AGBL3: variants seen among roughly 807,000 people sequenced by gnomAD.
AGBL3 encodes cytosolic carboxypeptidase 3.
In AGBL3, 68 loss-of-function variants were observed where a neutral mutation model predicts 94.5. The ratio of observed to expected loss-of-function variants is 0.72; its 90% CI spans 0.59 to 0.88. The LOEUF (loss-of-function observed/expected upper bound fraction) is 0.88, where lower values mean the gene tolerates loss of function less well. Among genes scored for constraint, AGBL3 ranks in the 40% least tolerant of loss-of-function variants. The pLI is 0.00. For missense variants in AGBL3, 934 were observed against 1,103.8 expected (o/e 0.85, Z 2.18); for synonymous variants, 354 against 370.7 (o/e 0.95, Z 0.52).
chr7:135,027,623 T>C (rs1473229563), intron 5 of AGBL3, among the ~76,000 whole-genome samples: 2 of 151,598 alleles, frequency 1.3e-5, no homozygotes, highest in African/African-American at 4.8e-5. Flanking sequence ...TTTCCACCAC[T>C]TTTTGAAGGG....
At chr7:135,043,680 A>G (rs999677824) in intron 8 of AGBL3, among the ~76,000 whole-genome samples, 14 of 152,164 alleles carry the variant, frequency 9.2e-5, no homozygotes, top group African/African-American at 3.1e-4. Context: ...CTCTATCAAA[A>G]TATCTCATGT....
chr7:134,996,501 T>TAA (rs11462220), intron 4 of AGBL3, among the ~76,000 whole-genome samples: 9 of 152,188 alleles, frequency 5.9e-5, no homozygotes, highest in Non-Finnish European at 4.4e-5. Context: ...TCCCCAGAGG[T>TAA]AAAAATAGAG....
chr7:135,126,376 A>G (rs1177682452), intron 16 of AGBL3, among the ~76,000 whole-genome samples: 2 of 151,998 alleles, frequency 1.3e-5, no homozygotes, highest in African/African-American at 4.8e-5. Flanking sequence ...CAGACCACCA[A>G]GGAAACAAGA....
chr7:135,048,650 C>A (rs192482234), intron 11 of AGBL3, among the ~76,000 whole-genome samples: 50 of 151,430 alleles, frequency 3.3e-4, no homozygotes, highest in Admixed American at 2.7e-3. Flanking sequence ...GGGATATCAC[C>A]TTTTCAGGTA....
chr7:135,082,372 T>C (rs925833362), intron 15 of AGBL3, among the ~76,000 whole-genome samples: 7 of 152,150 alleles, frequency 4.6e-5, no homozygotes, highest in African/African-American at 1.7e-4. Context: ...CCCTGAAATT[T>C]TCCGTTTCTT....
chr7:135,032,018 C>T (rs1455962720), intron 5 of AGBL3, among the ~76,000 whole-genome samples: 6 of 152,186 alleles, frequency 3.9e-5, no homozygotes, highest in Non-Finnish European at 8.8e-5. Context: ...CCCCAAGCAA[C>T]AATCTTTCCT....
At chr7:135,076,521 A>G (rs1455594157) in intron 13 of AGBL3, 53 bp downstream of exon 13, 1 of 1,335,980 alleles carries the variant, frequency 7.5e-7, no homozygotes, top group African/African-American at 1.5e-5. Context: ...ATGAAAGAGA[A>G]TGGCAAGTTA....
At chr7:135,015,650 G>A (rs1453508072) in intron 4 of AGBL3, among the ~76,000 whole-genome samples, 1 of 151,996 alleles carries the variant, frequency 6.6e-6, no homozygotes, top group Non-Finnish European at 1.5e-5. Context: ...ATAAAGAAGA[G>A]CATAAGCAGA....
chr7:135,128,274 A>C (rs1377234563), intron 16 of AGBL3, among the ~76,000 whole-genome samples: 1 of 140,938 alleles, frequency 7.1e-6, no homozygotes, highest in Non-Finnish European at 1.5e-5. Context: ...CCTGGGCAAC[A>C]GAGTGAGACT....
intron 12 of AGBL3, among the ~76,000 whole-genome samples, chr7:135,071,583 A>G (rs942536559): frequency 6.6e-6 from 1 of 152,192 alleles, no homozygotes; most frequent in African/African-American, 2.4e-5. Flanking sequence ...AATGGAACAG[A>G]ACAGAGCCCT....
At chr7:135,116,600 G>T (rs1386974490) in intron 16 of AGBL3, among the ~76,000 whole-genome samples, 2 of 152,116 alleles carry the variant, frequency 1.3e-5, no homozygotes, top group Non-Finnish European at 2.9e-5. Flanking sequence ...TGACACCCTG[G>T]GGGAGGAGAG....
rs1356571921 is a variant in AGBL3 at position 135,115,574 on chromosome 7, C to G, written c.2305C>G (p.Leu769Val). Residue 769 changes from leucine (L) to valine (V), a missense_variant, in exon 16 of 17, where the codon CTA (leucine) becomes GTA (valine). By Grantham distance (32) the Leu-to-Val change is conservative. This residue lies in a region of AGBL3 where 441 missense variants were observed against 518.2 expected (regional missense o/e 0.85). Coordinates refer to ENST00000436302, the MANE Select transcript of AGBL3 (RefSeq NM_178563.4). ...CATGCAAACCACTCAGATAAAACAG[C>G]TATTCAATCCAAGAACCAACTTCCA... The part of the protein sequence containing the change: ...KNMQTTQIKQ[L>V]FNPRTNFQIQ... The G allele has an allele frequency of 2.6e-6, 4 of 1,550,926 alleles. No homozygotes were observed. In the African/African-American group the frequency reaches 5.5e-5, roughly 21 times the overall value.
chr7:135,002,721 A>G (rs959453844), intron 4 of AGBL3, among the ~76,000 whole-genome samples: 15 of 152,170 alleles, frequency 9.9e-5, no homozygotes, highest in African/African-American at 3.4e-4. Flanking sequence ...CTGCACAATG[A>G]GAGTACCTAT....
chr7:135,122,194 C>T (rs1485562891), intron 16 of AGBL3, among the ~76,000 whole-genome samples: 3 of 152,224 alleles, frequency 2.0e-5, no homozygotes, highest in Non-Finnish European at 2.9e-5. Flanking sequence ...TGCTTTTCCT[C>T]TGCTGGAGTC....
In AGBL3 at chr7:135,071,955, T is replaced by C. The variant is rs564656865; in HGVS notation, c.1909-4442T>C. 2.6e-4 allele frequency among the ~76,000 whole-genome samples: 40 copies of C among 152,182 alleles called. No individual in the cohort carries two copies. The South Asian group carries it at 2.7e-3, about 10-fold the overall frequency. ...AGAGCTTCTGCACAGCAAAAGAAAC[T>C]ACCATCAGAGTGAACAGGCAACCTA... On this transcript the variant is annotated intron_variant, in intron 12 of 16. Transcript: ENST00000436302.
At position 135,076,421 on chromosome 7, in the gene AGBL3, G is replaced by A; in HGVS notation, c.1933G>A (p.Glu645Lys). The A allele has an allele frequency of 6.5e-7, 1 of 1,548,444 alleles. No homozygotes were observed. Residue 645 changes from glutamate (E) to lysine (K), a missense_variant, in exon 13 of 17, where the codon GAA becomes AAA. Glu to Lys is a moderately conservative substitution (Grantham distance 56). This residue lies in a region of AGBL3 where 441 missense variants were observed against 518.2 expected (regional missense o/e 0.85). Coordinates refer to ENST00000436302, the MANE Select transcript of AGBL3 (RefSeq NM_178563.4). ...GAAAAAACATTTGAAAACAAAGAAG[G>A]AAAGGAATTCTACCATAGCAAGCCA... is the stretch of plus-strand genomic sequence containing the variant. Reference protein sequence around the residue: ...SQKKHLKTKKERNSTIASHQN... With the variant: ...SQKKHLKTKKKRNSTIASHQN...
At chr7:135,014,641 T>G (rs556504728) in intron 4 of AGBL3, among the ~76,000 whole-genome samples, 6 of 152,244 alleles carry the variant, frequency 3.9e-5, no homozygotes, top group Non-Finnish European at 1.5e-5. Flanking sequence ...TTTTTCTTTT[T>G]CCTTGGAAGA....
Position 135,055,768 on chromosome 7 carries a change from G to A in AGBL3, c.1842-3401G>A, listed in dbSNP as rs532519605. Among the ~76,000 whole-genome samples the A allele has an allele frequency of 1.1e-4, 17 of 152,208 alleles. No individual in the cohort carries two copies. The South Asian group carries it at 1.7e-3, about 15-fold the overall frequency. Reference sequence around the variant, plus strand: ...TGCTTTTGGTATTAGGATAATGCTAGCCTTTTAGAAAAAGTAAGTGTTCTC... The same window carrying A: ...TGCTTTTGGTATTAGGATAATGCTAACCTTTTAGAAAAAGTAAGTGTTCTC... On this transcript the variant is annotated intron_variant, in intron 11 of 16. Transcript: ENST00000436302.
At chr7:135,079,577 T>C (rs1820747195) in intron 13 of AGBL3, among the ~76,000 whole-genome samples, 1 of 151,718 alleles carries the variant, frequency 6.6e-6, no homozygotes, top group Non-Finnish European at 1.5e-5. Context: ...GCAATTCTCC[T>C]GCCTCAGCCT....
Sources: allele counts gnomAD v4.1 joint callset (sites outside exome capture counted in the v4.1 genomes callset), GRCh38; gene constraint gnomAD v4.1.1; regional missense constraint gnomAD v4.1.1; transcripts MANE v1.5; gene names NCBI Gene and HGNC (gene_info 2026-07-23, HGNC 2026-07-21).